The following BABAM2 variants were observed in gnomAD, a reference collection of about 807,000 sequenced individuals.
BABAM2 encodes BRISC and BRCA1 A complex member 2.
BABAM2 carries 31 observed loss-of-function variants against 54.7 expected under a neutral mutation model. That is an observed-to-expected ratio of 0.57 (90% CI 0.43 to 0.77). The LOEUF (loss-of-function observed/expected upper bound fraction) is 0.77. BABAM2 is among the 30% of genes least tolerant of loss of function. The pLI, the probability that BABAM2 is intolerant of heterozygous loss-of-function variation, is 0.00. For missense variants in BABAM2, 364 were observed against 455.8 expected (o/e 0.80, Z 1.83); for synonymous variants, 167 against 162.9 (o/e 1.03, Z -0.19).
chr2:27,970,436 G>GTC (rs1331005646), intron 3 of BABAM2, among the ~76,000 whole-genome samples: 1 of 152,126 alleles, frequency 6.6e-6, no homozygotes, highest in Non-Finnish European at 1.5e-5. Flanking sequence ...TGTTTTAGAA[G>GTC]TCTCTCTCTA....
intron 7 of BABAM2, among the ~76,000 whole-genome samples, chr2:28,195,051 A>G (rs777284380): frequency 3.3e-5 from 5 of 152,240 alleles, no homozygotes; most frequent in Non-Finnish European, 5.9e-5. Context: ...TGCTCTAGCA[A>G]GAAGACCAGA....
chr2:28,164,017 G>A (rs1027283984), intron 7 of BABAM2, among the ~76,000 whole-genome samples: 4 of 152,182 alleles, frequency 2.6e-5, no homozygotes, highest in African/African-American at 9.7e-5. Flanking sequence ...GAAACTCCTA[G>A]ACTCAGTGAC....
chr2:28,110,209 T>G (rs1667877972), intron 6 of BABAM2, among the ~76,000 whole-genome samples: 1 of 152,100 alleles, frequency 6.6e-6, no homozygotes, highest in Admixed American at 6.6e-5. Flanking sequence ...TTTCTTTTTT[T>G]GTAAGGCTGG....
rs571405939 is a variant in BABAM2 at position 28,080,487 on chromosome 2, C to T, written c.570+34688C>T. ...GCAAAAGGATCTATAGACTACCTGC[C>T]TCAAAAATCTCTAGATATAATGAGA... On this transcript the variant is annotated intron_variant, in intron 6 of 11. Coordinates refer to ENST00000379624, the MANE Select transcript of BABAM2 (RefSeq NM_199191.3). Among the ~76,000 whole-genome samples, 5 of 152,176 alleles carry T rather than the reference C, an allele frequency of 3.3e-5. No homozygotes were observed. In the East Asian group the frequency reaches 9.7e-4, roughly 29 times the overall value.
At chr2:28,126,957 G>A (rs574068744) in intron 6 of BABAM2, among the ~76,000 whole-genome samples, 1 of 150,064 alleles carries the variant, frequency 6.7e-6, no homozygotes, top group Non-Finnish European at 1.5e-5. Flanking sequence ...AGAAGTGTCT[G>A]TTCATGTCCT....
At chr2:28,183,916 C>T (rs893599850) in intron 7 of BABAM2, among the ~76,000 whole-genome samples, 31 of 152,210 alleles carry the variant, frequency 2.0e-4, no homozygotes, top group South Asian at 8.3e-4. Flanking sequence ...TTGGGTAGAC[C>T]TAGCATCAGG....
At chr2:28,016,636 A>G (rs1482954894) in intron 4 of BABAM2, among the ~76,000 whole-genome samples, 3 of 152,252 alleles carry the variant, frequency 2.0e-5, no homozygotes, top group Non-Finnish European at 4.4e-5. Context: ...TTCAAACATC[A>G]TAGCAACAAT....
At chr2:28,291,153 T>G (rs908132190) in intron 10 of BABAM2, among the ~76,000 whole-genome samples, 5 of 152,208 alleles carry the variant, frequency 3.3e-5, no homozygotes, top group Admixed American at 2.0e-4. Context: ...GCCTATGATA[T>G]CATCACTAAT....
intron 7 of BABAM2, among the ~76,000 whole-genome samples, chr2:28,217,516 G>A (rs954569724): frequency 3.9e-5 from 6 of 152,212 alleles, no homozygotes; most frequent in Admixed American, 3.9e-4. Flanking sequence ...TCATAGATAA[G>A]CAAACTGAGG....
At chr2:28,008,988 G>A (rs1427277810) in intron 4 of BABAM2, among the ~76,000 whole-genome samples, 1 of 152,128 alleles carries the variant, frequency 6.6e-6, no homozygotes, top group Non-Finnish European at 1.5e-5. Flanking sequence ...GATACGTGTG[G>A]GGCAACTAGT....
chr2:28,260,541 A>G (rs1684411002), intron 10 of BABAM2, among the ~76,000 whole-genome samples: 1 of 151,678 alleles, frequency 6.6e-6, no homozygotes, highest in Non-Finnish European at 1.5e-5. Flanking sequence ...ACCTCAGGTG[A>G]TCCACCCACC....
chr2:28,256,521 G>A (rs2148118932), intron 10 of BABAM2, among the ~76,000 whole-genome samples: 1 of 152,286 alleles, frequency 6.6e-6, no homozygotes, highest in African/African-American at 2.4e-5. Flanking sequence ...GGGCAATGAG[G>A]AGAGATGCAT....
intron 7 of BABAM2, among the ~76,000 whole-genome samples, chr2:28,219,233 T>A (rs1680178045): frequency 6.6e-6 from 1 of 152,236 alleles, no homozygotes; most frequent in East Asian, 1.9e-4. Flanking sequence ...AGAACTGAGA[T>A]CTGGTCCTTT....
chr2:28,152,898 C>G (rs558260333), intron 7 of BABAM2, among the ~76,000 whole-genome samples: 15 of 152,262 alleles, frequency 9.9e-5, no homozygotes, highest in African/African-American at 3.1e-4. Flanking sequence ...TATGCTTTTT[C>G]TTGCCAGTGG....
At chr2:28,226,761 G>C (rs191929433) in intron 7 of BABAM2, among the ~76,000 whole-genome samples, 2 of 152,186 alleles carry the variant, frequency 1.3e-5, no homozygotes, top group Non-Finnish European at 2.9e-5. Context: ...AGGAGAACTG[G>C]GCCAGTGCCC....
intron 5 of BABAM2, among the ~76,000 whole-genome samples, chr2:28,025,800 T>G (rs182928625): frequency 2.0e-5 from 3 of 152,180 alleles, no homozygotes; most frequent in Admixed American, 2.0e-4. Context: ...AATATCCCAG[T>G]CAGGTAAGAG....
chr2:28,215,944 A>C (rs1211106989), intron 7 of BABAM2, among the ~76,000 whole-genome samples: 1 of 152,200 alleles, frequency 6.6e-6, no homozygotes, highest in Non-Finnish European at 1.5e-5. Context: ...TTCTGAGCCA[A>C]AAGGACCATG....
chr2:28,161,306 G>A (rs1362046337), intron 7 of BABAM2, among the ~76,000 whole-genome samples: 2 of 152,090 alleles, frequency 1.3e-5, no homozygotes, highest in Non-Finnish European at 2.9e-5. Flanking sequence ...GGTTCCTGGG[G>A]GGCTCCAGGA....
chr2:28,127,798 A>T lies in BABAM2; in HGVS notation c.571-1473A>T, dbSNP rs559433742. Among the ~76,000 whole-genome samples, 65 of 149,312 alleles carry T rather than the reference A, an allele frequency of 4.4e-4. 1 individual carries two copies. Among genetic ancestry groups the T allele is most frequent in the African/African-American group, 1.5e-3 (62 of 40,682 alleles). ...TTGAAGATACAATGTCAAGCTCATG[A>T]GTAGTGAGTCTTTTTTTTTTTTTTT... On this transcript the variant is annotated intron_variant, in intron 6 of 11. Transcript: ENST00000379624.
Sources: allele counts gnomAD v4.1 joint callset (sites outside exome capture counted in the v4.1 genomes callset), GRCh38; gene constraint gnomAD v4.1.1; transcripts MANE v1.5; gene names NCBI Gene and HGNC (gene_info 2026-07-23, HGNC 2026-07-21).